MYO1H: variants seen among roughly 807,000 people sequenced by gnomAD.
The protein encoded by MYO1H is unconventional myosin-Ih.
MYO1H carries 118 observed loss-of-function variants against 149.3 expected under a neutral mutation model. That is an observed-to-expected ratio of 0.79 (90% CI 0.68 to 0.92). The LOEUF (loss-of-function observed/expected upper bound fraction) is 0.92. MYO1H is among the 40% of genes least tolerant of loss of function. The pLI is 0.00. For synonymous variants in MYO1H, 447 were observed against 465.2 expected (o/e 0.96, Z 0.50); for missense variants, 1,212 against 1,280.7 (o/e 0.95, Z 0.82).
intron 1 of MYO1H, among the ~76,000 whole-genome samples, chr12:109,356,122 C>A (rs757183484): frequency 1.3e-5 from 2 of 152,054 alleles, no homozygotes; most frequent in Non-Finnish European, 2.9e-5. Flanking sequence ...ATTTAAAAGC[C>A]ATGTTGAAAG....
At chr12:109,439,560 G>C in intron 23 of MYO1H, 71 bp from the exon 24 acceptor site, 1 of 1,491,658 alleles carries the variant, frequency 6.7e-7, no homozygotes, top group African/African-American at 1.4e-5. Flanking sequence ...CTGAATCAAA[G>C]AAGGGGGAAG....
At chr12:109,441,794 C>G in intron 26 of MYO1H, 86 bp downstream of exon 26, 1 of 930,428 alleles carries the variant, frequency 1.1e-6, no homozygotes, top group South Asian at 1.7e-5. Context: ...TGCCCATAAT[C>G]TCAGCACTTT....
At chr12:109,317,673 G>A in the MYO1H span, among the ~76,000 whole-genome samples, 1 of 152,182 alleles carries the variant, frequency 6.6e-6, no homozygotes, top group South Asian at 2.1e-4. Context: ...GCTGAAGACA[G>A]AGCTTTGTTT....
intron 5 of MYO1H, among the ~76,000 whole-genome samples, 192 bp downstream of exon 5, chr12:109,398,004 T>C (rs1206439064): frequency 6.6e-6 from 1 of 152,204 alleles, no homozygotes. Flanking sequence ...ACCATCTGGA[T>C]GGGCAAAAAC....
exon 7 of MYO1H, chr12:109,403,995 A>G: frequency 1.9e-6 from 3 of 1,613,472 alleles, no homozygotes; most frequent in Non-Finnish European, 2.5e-6. Flanking sequence ...CATTGTGCCA[A>G]AGAGTCATCC....
chr12:109,437,040 G>A (rs983350186), intron 22 of MYO1H, among the ~76,000 whole-genome samples: 7 of 152,142 alleles, frequency 4.6e-5, no homozygotes, highest in Admixed American at 1.3e-4. Flanking sequence ...AGGAGGTGGA[G>A]GTTGCAGTGA....
chr12:109,432,255 C>T (rs377676305), intron 19 of MYO1H, among the ~76,000 whole-genome samples: 23 of 152,122 alleles, frequency 1.5e-4, no homozygotes, highest in Middle Eastern at 3.4e-3. Context: ...CCGCCCGCCT[C>T]GGCCTCCCAA....
chr12:109,337,091 G>C, the MYO1H span, among the ~76,000 whole-genome samples: 5 of 152,168 alleles, frequency 3.3e-5, no homozygotes, highest in African/African-American at 7.2e-5. Context: ...TTGGAGGGAA[G>C]GAAGGAAGCA....
intron 23 of MYO1H, among the ~76,000 whole-genome samples, chr12:109,439,099 G>C (rs1481973449): frequency 1.3e-5 from 2 of 151,946 alleles, no homozygotes; most frequent in African/African-American, 4.8e-5. Flanking sequence ...GTTTGAGATG[G>C]AGTCTCACTC....
chr12:109,413,888 C>T (rs959717798), intron 14 of MYO1H, among the ~76,000 whole-genome samples: 10 of 151,602 alleles, frequency 6.6e-5, no homozygotes, highest in African/African-American at 2.4e-4. Context: ...CCAGCCTGGG[C>T]AACAGAGCAA....
At chr12:109,388,690 A>G (rs1869493717) in exon 2 of MYO1H, 1 of 1,567,744 alleles carries the variant, frequency 6.4e-7, no homozygotes, top group Middle Eastern at 1.7e-4. Context: ...TAGAAAGAAG[A>G]CGTGAGGAGG....
In MYO1H at chr12:109,415,652, T is replaced by G. The variant is rs550253384; in HGVS notation, c.1597+32T>G. 12 of 1,501,944 alleles carry G rather than the reference T, an allele frequency of 8.0e-6. No individual in the cohort carries two copies. In the South Asian group the frequency reaches 1.5e-4, roughly 19 times the overall value. 93.0% of individuals were successfully genotyped at this position (1,501,944 alleles called of 1,614,324 possible). ...GGCCGTGGGGTACAGGTGACAGCCA[T>G]GTATGTGCCCAGCCTGGTGTCTTAC... On this transcript the variant is annotated intron_variant, in intron 15 of 31. Coordinates refer to ENST00000310903, the Ensembl canonical transcript of MYO1H.
At chr12:109,334,039 CAG>C in the MYO1H span, among the ~76,000 whole-genome samples, 1 of 151,414 alleles carries the variant, frequency 6.6e-6, no homozygotes. Flanking sequence ...TTTTTTGAGA[CAG>C]AGTCTCACTT....
rs60551691 is a variant in MYO1H at position 109,396,814 on chromosome 12, G to GTTTTTTTTTT, written c.489+253_489+262dup. Among the ~76,000 whole-genome samples, 17 of 51,068 alleles carry GTTTTTTTTTT rather than the reference G, an allele frequency of 3.3e-4. 2 individuals are homozygous for GTTTTTTTTTT. Among genetic ancestry groups the GTTTTTTTTTT allele is most frequent in the South Asian group, 7.4e-4 (1 of 1,348 alleles). 33.5% of individuals were successfully genotyped at this position (51,068 alleles called of 152,430 possible). On this transcript the variant is annotated intron_variant, in intron 4 of 31. Transcript: ENST00000310903. Reference sequence around the variant, plus strand: ...GACATTTGGTTTTTGTTTTGGTTTCGTTTTTTTTTTTTTTTTTTTTTTTTT... The same window carrying GTTTTTTTTTT: ...GACATTTGGTTTTTGTTTTGGTTTCGTTTTTTTTTTTTTTTTTTTTTTTTTTTTTTTTTTT...
chr12:109,310,569 C>T, the MYO1H span, among the ~76,000 whole-genome samples: 1 of 151,738 alleles, frequency 6.6e-6, no homozygotes, highest in Non-Finnish European at 1.5e-5. Flanking sequence ...GCGTTATCTA[C>T]TTCGCAGCAG....
chr12:109,355,234 T>C (rs927477002), intron 1 of MYO1H, among the ~76,000 whole-genome samples: 1 of 152,186 alleles, frequency 6.6e-6, no homozygotes, highest in African/African-American at 2.4e-5. Flanking sequence ...TGAATGTTTC[T>C]GTATTCACAC....
In MYO1H at chr12:109,433,017, G is replaced by T. The variant is rs1465928727; in HGVS notation, c.2063+7G>T. 6.2e-7 allele frequency: 1 copy of T among 1,607,512 alleles called. No homozygotes were observed. The highest frequency in any genetic ancestry group is 2.2e-5 in the East Asian group (1 of 44,854). On this transcript the variant is annotated splice_region_variant and intron_variant, in intron 20 of 31. Transcript: ENST00000310903. ...AGGAATACAAGTTAGGCAAGTAAGT[G>T]ACCAGAAGACCACCAAATGGTCTCT...
At chr12:109,427,081 C>T (rs1015470845) in intron 18 of MYO1H, among the ~76,000 whole-genome samples, 2 of 151,966 alleles carry the variant, frequency 1.3e-5, no homozygotes, top group Non-Finnish European at 2.9e-5. Context: ...TTTGGGAGGC[C>T]GAGGCGGGTG....
At chr12:109,408,606 T>C (rs1870500829) in intron 10 of MYO1H, among the ~76,000 whole-genome samples, 1 of 152,160 alleles carries the variant, frequency 6.6e-6, no homozygotes, top group Non-Finnish European at 1.5e-5. Flanking sequence ...TGGAATTATT[T>C]AAATAAAAAA....
Sources: allele counts gnomAD v4.1 joint callset (sites outside exome capture counted in the v4.1 genomes callset), GRCh38; gene constraint gnomAD v4.1.1; transcripts MANE v1.5; gene names NCBI Gene and HGNC (gene_info 2026-07-23, HGNC 2026-07-21).